Variants in BTBD9 observed in about 807,000 individuals in gnomAD.
BTBD9 encodes BTB domain containing 9.
A neutral mutation model predicts 64.3 loss-of-function variants in BTBD9; 49 were observed. The observed-to-expected ratio is 0.76, with a 90% CI of 0.61 to 0.97. The LOEUF is 0.97. Ranked by LOEUF, BTBD9 falls within the 50% of genes least tolerant of loss-of-function variation. The pLI is 0.00. For missense variants in BTBD9, 598 were observed against 762.1 expected (o/e 0.78, Z 2.53); for synonymous variants, 260 against 274.7 (o/e 0.95, Z 0.53).
intron 10 of BTBD9, among the ~76,000 whole-genome samples, chr6:38,180,100 C>T (rs75474555): frequency 1.5e-4 from 23 of 152,330 alleles, no homozygotes; most frequent in Non-Finnish European, 2.6e-4. Flanking sequence ...ACCCAGCTAG[C>T]TCCTGGACCA....
chr6:38,556,973 A>G (rs1775053420), intron 6 of BTBD9, among the ~76,000 whole-genome samples: 2 of 125,758 alleles, frequency 1.6e-5, no homozygotes, highest in Admixed American at 1.9e-4. Context: ...AGATCGGGCC[A>G]TTGCACTCCA....
chr6:38,610,576 T>C (rs907777314), intron 1 of BTBD9, among the ~76,000 whole-genome samples: 1 of 152,140 alleles, frequency 6.6e-6, no homozygotes, highest in African/African-American at 2.4e-5. Context: ...GTGCCTAAAC[T>C]ACAATGTCTT....
chr6:38,394,154 T>C (rs992524750), intron 6 of BTBD9, among the ~76,000 whole-genome samples: 1 of 152,196 alleles, frequency 6.6e-6, no homozygotes. Context: ...CAGAAGGATG[T>C]AGTCCTTGCC....
intron 6 of BTBD9, among the ~76,000 whole-genome samples, chr6:38,387,619 T>C (rs570244994): frequency 2.0e-5 from 3 of 152,284 alleles, no homozygotes; most frequent in South Asian, 2.1e-4. Flanking sequence ...GTATCTAATA[T>C]GCATGATTCA....
chr6:38,301,370 C>T (rs1296354980), intron 7 of BTBD9, among the ~76,000 whole-genome samples: 1 of 152,190 alleles, frequency 6.6e-6, no homozygotes, highest in African/African-American at 2.4e-5. Context: ...TGATGCTGGC[C>T]TCATAAAATG....
At chr6:38,435,933 T>G (rs1350215191) in intron 6 of BTBD9, among the ~76,000 whole-genome samples, 1 of 151,576 alleles carries the variant, frequency 6.6e-6, no homozygotes, top group Non-Finnish European at 1.5e-5. Flanking sequence ...CCTCCCAAAG[T>G]GCTGGGATTA....
intron 6 of BTBD9, among the ~76,000 whole-genome samples, chr6:38,472,897 C>T (rs181803438): frequency 2.0e-5 from 3 of 152,276 alleles, no homozygotes; most frequent in Admixed American, 6.5e-5. Context: ...TATCTTTGCT[C>T]TTCTGCAAAA....
intron 6 of BTBD9, among the ~76,000 whole-genome samples, chr6:38,535,992 A>G (rs1174722035): frequency 6.6e-6 from 1 of 152,132 alleles, no homozygotes; most frequent in African/African-American, 2.4e-5. Context: ...AAATGGATAA[A>G]TGGGATCATA....
chr6:38,287,942 C>T (rs1425391556), intron 8 of BTBD9, among the ~76,000 whole-genome samples: 1 of 152,172 alleles, frequency 6.6e-6, no homozygotes, highest in African/African-American at 2.4e-5. Context: ...AATGATTTTT[C>T]ATTCTATATA....
At chr6:38,292,869 T>C (rs1315753604) in intron 7 of BTBD9, among the ~76,000 whole-genome samples, 1 of 152,170 alleles carries the variant, frequency 6.6e-6, no homozygotes, top group African/African-American at 2.4e-5. Flanking sequence ...AGTTTTTGAA[T>C]TTGTTTGCTC....
At chr6:38,276,546 G>A (rs899316533) in intron 8 of BTBD9, among the ~76,000 whole-genome samples, 2 of 152,044 alleles carry the variant, frequency 1.3e-5, no homozygotes, top group Non-Finnish European at 2.9e-5. Context: ...AGGAAAAGCA[G>A]ACTGTATTTG....
At chr6:38,505,484 C>T (rs1222722719) in intron 6 of BTBD9, among the ~76,000 whole-genome samples, 1 of 151,888 alleles carries the variant, frequency 6.6e-6, no homozygotes, top group Admixed American at 6.6e-5. Flanking sequence ...ATTAGCCAGG[C>T]GTGGTGGCAG....
At chr6:38,431,789 C>T (rs149294489) in intron 6 of BTBD9, among the ~76,000 whole-genome samples, 3 of 152,108 alleles carry the variant, frequency 2.0e-5, no homozygotes, top group Non-Finnish European at 2.9e-5. Flanking sequence ...TCTATATCCC[C>T]ATTGCAGCAA....
intron 6 of BTBD9, among the ~76,000 whole-genome samples, chr6:38,345,875 G>C (rs1289583395): frequency 6.6e-6 from 1 of 152,160 alleles, no homozygotes; most frequent in Non-Finnish European, 1.5e-5. Context: ...ATTAACCTTG[G>C]AGTAACTTGC....
At chr6:38,489,487 G>A (rs1771600220) in intron 6 of BTBD9, among the ~76,000 whole-genome samples, 1 of 151,990 alleles carries the variant, frequency 6.6e-6, no homozygotes. Context: ...AAATAAATAA[G>A]TAAATAATTA....
chr6:38,259,276 C>A (rs1486811695), intron 8 of BTBD9, among the ~76,000 whole-genome samples: 1 of 152,160 alleles, frequency 6.6e-6, no homozygotes, highest in African/African-American at 2.4e-5. Context: ...TATTATTTTC[C>A]CTTAATCTTA....
At chr6:38,325,819 ACCAGGATT>A (rs1417002504) in intron 7 of BTBD9, among the ~76,000 whole-genome samples, 1 of 152,238 alleles carries the variant, frequency 6.6e-6, no homozygotes, top group Non-Finnish European at 1.5e-5. Flanking sequence ...CAGAGTGGAA[ACCAGGATT>A]TGGGTTGATC....
rs755397152 is a variant in BTBD9 at position 38,425,752 on chromosome 6, T to TA, written c.1155-80660dup. ...GTGAGACCCCATCACTACCAATAACTAAAAAAAAAAAAAAATTAGCAGGGC... is the reference window on the plus strand; with the variant it reads ...GTGAGACCCCATCACTACCAATAACTAAAAAAAAAAAAAAAATTAGCAGGGC... On this transcript the variant is annotated intron_variant, in intron 6 of 10. Transcript: ENST00000481247. Among the ~76,000 whole-genome samples the TA allele has an allele frequency of 9.7e-4, 131 of 135,558 alleles. 2 individuals carry two copies. Among genetic ancestry groups the TA allele is most frequent in the African/African-American group, 1.4e-3 (50 of 36,232 alleles). The allele number at this position is 135,558 out of a possible 152,430, so 88.9% of individuals were successfully genotyped here. A position where few individuals can be genotyped will look rare whatever the true frequency, so the allele number is the denominator to read the frequency against.
At chr6:38,451,682 T>A (rs10947737) in intron 6 of BTBD9, among the ~76,000 whole-genome samples, 27,925 of 152,074 alleles carry the variant, frequency 0.18, 2,795 homozygotes, top group Non-Finnish European at 0.2. Context: ...ACTACTGGTA[T>A]TTGTTGCCAA....
Sources: allele counts gnomAD v4.1 joint callset (sites outside exome capture counted in the v4.1 genomes callset), GRCh38; gene constraint gnomAD v4.1.1; transcripts MANE v1.5; gene names NCBI Gene and HGNC (gene_info 2026-07-23, HGNC 2026-07-21).